Variants in AUTS2 observed in about 807,000 individuals in gnomAD.
AUTS2 encodes the protein activator of transcription and developmental regulator AUTS2.
A neutral mutation model predicts 112.4 loss-of-function variants in AUTS2; 17 were observed. The observed-to-expected ratio is 0.15, with a 90% CI of 0.10 to 0.23. AUTS2 has a LOEUF of 0.23. Among genes scored for constraint, AUTS2 ranks in the 10% least tolerant of loss-of-function variants. The pLI is 1.00. For missense variants in AUTS2, 1,510 were observed against 1,701.6 expected (o/e 0.89, Z 1.98); for synonymous variants, 751 against 702.7 (o/e 1.07, Z -1.09).
At chr7:70,336,853 A>G (rs1226907335) in intron 4 of AUTS2, among the ~76,000 whole-genome samples, 2 of 152,182 alleles carry the variant, frequency 1.3e-5, no homozygotes, top group African/African-American at 2.4e-5. Flanking sequence ...GTTGCTCAGT[A>G]AGATAAAATT....
chr7:70,642,530 CCTCAACCAGGTGTA>C (rs1805894028), intron 5 of AUTS2, among the ~76,000 whole-genome samples: 1 of 83,738 alleles, frequency 1.2e-5, no homozygotes, highest in Admixed American at 1.1e-4. Context: ...CCAATTGTGT[CCTCAACCAGGTGTA>C]AAGTCTTAGA....
rs935908242 is a variant in AUTS2 at position 70,669,725 on chromosome 7, G to A, written c.691-28844G>A. ...CTCTCCTTTGAGAGTTGAAGTCATC[G>A]TGTGAATAGCCATAATTACTGCATT... On this transcript the variant is annotated intron_variant, in intron 5 of 18. Transcript: ENST00000342771. Among the ~76,000 whole-genome samples the A allele has an allele frequency of 2.6e-5, 4 of 152,170 alleles. No individual in the cohort carries two copies. The South Asian group carries it at 6.2e-4, about 24-fold the overall frequency.
rs1393078365 is a variant in AUTS2 at position 69,730,094 on chromosome 7, A to G, written c.309+130132A>G. Among the ~76,000 whole-genome samples, 13 of 143,194 alleles carry G rather than the reference A, an allele frequency of 9.1e-5. No individual in the cohort carries two copies. The Admixed American group carries it at 9.6e-4, about 11-fold the overall frequency. 93.9% of individuals were successfully genotyped at this position (143,194 alleles called of 152,430 possible). A position where few individuals can be genotyped will look rare whatever the true frequency, so the allele number is the denominator to read the frequency against. On this transcript the variant is annotated intron_variant, in intron 1 of 18. Coordinates refer to ENST00000342771, the MANE Select transcript of AUTS2 (RefSeq NM_015570.4). ...AGGCTCAAAGTGATACTCCCACCTC[A>G]GCCGCCTGTGTAGCTGGGAGTCCAG...
chr7:69,816,908 T>C (rs913569331), intron 1 of AUTS2, among the ~76,000 whole-genome samples: 5 of 152,208 alleles, frequency 3.3e-5, no homozygotes, highest in African/African-American at 1.2e-4. Flanking sequence ...CTTGGTGGCA[T>C]GGGCTTTGAA....
chr7:69,882,150 C>CAAAA (rs57238970), intron 1 of AUTS2, among the ~76,000 whole-genome samples: 2 of 57,130 alleles, frequency 3.5e-5, no homozygotes, highest in Non-Finnish European at 6.6e-5. Flanking sequence ...AACTCTGTCT[C>CAAAA]AAAAAAAAAA....
chr7:70,354,212 C>A (rs1481153931), intron 4 of AUTS2, among the ~76,000 whole-genome samples: 1 of 152,224 alleles, frequency 6.6e-6, no homozygotes, highest in Non-Finnish European at 1.5e-5. Flanking sequence ...GAAACAATTA[C>A]TGACAGGGCC....
At chr7:70,765,070 A>G in intron 8 of AUTS2, 65 bp downstream of exon 8, 1 of 1,584,026 alleles carries the variant, frequency 6.3e-7, no homozygotes, top group Non-Finnish European at 8.6e-7. Context: ...ACCTCACCCT[A>G]CCTATGTTGT....
intron 2 of AUTS2, 122 bp downstream of exon 2, chr7:69,899,620 T>G: frequency 1.1e-6 from 1 of 904,504 alleles, no homozygotes. Context: ...GAAGTGGTTG[T>G]CCAACAAAGC....
chr7:70,631,607 C>T lies in AUTS2; in HGVS notation c.691-66962C>T, dbSNP rs1236997625. Among the ~76,000 whole-genome samples the T allele has an allele frequency of 2.0e-5, 3 of 152,156 alleles. No individual in the cohort carries two copies. The highest frequency in any genetic ancestry group is 4.4e-5 in the Non-Finnish European group (3 of 68,036). ...GATGTTCTCAGCACCATTTTAGCGA[C>T]AAGGGCAGCTATGAAAATGGCCCAG... On this transcript the variant is annotated intron_variant, in intron 5 of 18. Transcript: ENST00000342771. This position sits in a 1 kb window ranked among gnomAD's most constrained non-coding sequence, Gnocchi z 4.5.
chr7:69,837,396 G>A (rs1760246159), intron 1 of AUTS2, among the ~76,000 whole-genome samples: 1 of 152,088 alleles, frequency 6.6e-6, no homozygotes. Context: ...AACTTGGTAG[G>A]GTTCAGCTTT....
Position 70,694,842 on chromosome 7 carries a change from G to T in AUTS2, c.691-3727G>T, listed in dbSNP as rs1412306067. On this transcript the variant is annotated intron_variant, in intron 5 of 18. Transcript: ENST00000342771. The surrounding 1 kb of genome is among the most constrained non-coding windows in gnomAD (Gnocchi z 4.1). ...GAAGCTGTTGCCCGGTTCGGATCTGGTTCGGCGCCTCCGCTCTCGGACTTT... is the reference window on the plus strand; with the variant it reads ...GAAGCTGTTGCCCGGTTCGGATCTGTTTCGGCGCCTCCGCTCTCGGACTTT... 1.3e-5 allele frequency: 2 copies of T among 151,896 alleles called. No individual in the cohort carries two copies. Among genetic ancestry groups the T allele is most frequent in the Non-Finnish European group, 2.9e-5 (2 of 67,968 alleles). The allele number at this position is 151,896 out of a possible 1,614,324, so 9.4% of individuals were successfully genotyped here.
At chr7:70,468,817 A>G (rs959540536) in intron 5 of AUTS2, among the ~76,000 whole-genome samples, 39 of 152,182 alleles carry the variant, frequency 2.6e-4, no homozygotes, top group African/African-American at 9.4e-4. Flanking sequence ...GCAGTTACCA[A>G]AAGTGGAAAG....
chr7:70,247,976 G>A (rs1261360597), intron 4 of AUTS2, among the ~76,000 whole-genome samples: 1 of 152,136 alleles, frequency 6.6e-6, no homozygotes, highest in Non-Finnish European at 1.5e-5. Context: ...TTATTGAAAT[G>A]ATGATGTGAT....
chr7:70,207,602 T>C (rs1488765857), intron 4 of AUTS2, among the ~76,000 whole-genome samples: 4 of 152,244 alleles, frequency 2.6e-5, no homozygotes, highest in African/African-American at 9.6e-5. Flanking sequence ...TAAACCTCAA[T>C]TGTCTGAATG....
intron 4 of AUTS2, among the ~76,000 whole-genome samples, chr7:70,296,564 T>C (rs1166414748): frequency 6.6e-6 from 1 of 152,222 alleles, no homozygotes; most frequent in Non-Finnish European, 1.5e-5. Flanking sequence ...CATCGTGAGA[T>C]GTGAATTTTT....
chr7:69,811,948 A>G (rs1448342702), intron 1 of AUTS2, among the ~76,000 whole-genome samples: 3 of 152,204 alleles, frequency 2.0e-5, no homozygotes, highest in African/African-American at 4.8e-5. Flanking sequence ...GAATCAATGC[A>G]TGAATGAAAT....
chr7:70,658,816 T>A (rs1563107786), intron 5 of AUTS2, among the ~76,000 whole-genome samples: 1 of 152,224 alleles, frequency 6.6e-6, no homozygotes, highest in Non-Finnish European at 1.5e-5. Flanking sequence ...CCGTCATGGA[T>A]AAAATCCAAC....
At chr7:70,228,409 T>A (rs1399185028) in intron 4 of AUTS2, among the ~76,000 whole-genome samples, 1 of 151,812 alleles carries the variant, frequency 6.6e-6, no homozygotes, top group Non-Finnish European at 1.5e-5. Flanking sequence ...AATTTTAAAT[T>A]TATTTATAGT....
intron 1 of AUTS2, among the ~76,000 whole-genome samples, chr7:69,675,505 GTTTTTTTTTT>G (rs751222506): frequency 8.8e-6 from 1 of 114,220 alleles, no homozygotes; most frequent in African/African-American, 3.6e-5. Flanking sequence ...TTGGCTGAGG[GTTTTTTTTTT>G]TTTTTTTTTT....
Sources: gnomAD v4.1 joint callset for allele counts (sites outside exome capture counted in the v4.1 genomes callset) on GRCh38, gnomAD v4.1.1 for gene constraint, Gnocchi (gnomAD v3.1) non-coding constraint, MANE v1.5 for transcripts, NCBI Gene and HGNC (gene_info 2026-07-23, HGNC 2026-07-21) for gene names.